PDE1C: variants seen among roughly 807,000 people sequenced by gnomAD.
The protein encoded by PDE1C is phosphodiesterase 1C, also known as dual specificity calcium/calmodulin-dependent 3',5'-cyclic nucleotide phosphodiesterase 1C.
PDE1C carries 62 observed loss-of-function variants against 93.1 expected under a neutral mutation model. That is an observed-to-expected ratio of 0.67 (90% CI 0.54 to 0.82). The LOEUF is 0.82. Ranked by LOEUF, PDE1C falls within the 40% of genes least tolerant of loss-of-function variation. The pLI, the probability that PDE1C is intolerant of heterozygous loss-of-function variation, is 0.00. For missense variants in PDE1C, 742 were observed against 884.6 expected (o/e 0.84, Z 2.04); for synonymous variants, 325 against 310.1 (o/e 1.05, Z -0.50).
At chr7:32,067,567 C>T (rs1433550217) in intron 1 of PDE1C, among the ~76,000 whole-genome samples, 1 of 152,254 alleles carries the variant, frequency 6.6e-6, no homozygotes, top group East Asian at 1.9e-4. Context: ...GTAAAGACTA[C>T]CTCTCACCAG....
chr7:31,810,051 T>C (rs1485959062), intron 15 of PDE1C, among the ~76,000 whole-genome samples: 1 of 152,104 alleles, frequency 6.6e-6, no homozygotes, highest in Non-Finnish European at 1.5e-5. Context: ...GCTGAATAGT[T>C]GCAAAGAGAC....
rs1358355251 is a variant in PDE1C at position 31,881,015 on chromosome 7, A to G, written c.129-155T>C. On this transcript the variant is annotated intron_variant, in intron 2 of 17. Transcript: ENST00000396191. ...ATGGGACCAAAGGAGCAGGTAATAAAATAAATGTATACATTTTTGCCATTG... is the reference window on the plus strand; with the variant it reads ...ATGGGACCAAAGGAGCAGGTAATAAGATAAATGTATACATTTTTGCCATTG... Among the ~76,000 whole-genome samples the G allele has an allele frequency of 3.3e-5, 5 of 152,348 alleles. No individual in the cohort carries two copies. In the East Asian group the frequency reaches 7.7e-4, roughly 23 times the overall value.
chr7:31,800,589 C>A (rs548596997), intron 16 of PDE1C, among the ~76,000 whole-genome samples: 1 of 151,542 alleles, frequency 6.6e-6, no homozygotes, highest in Admixed American at 6.6e-5. Context: ...TTCTGTTGAT[C>A]TGTTGGTCTG....
intron 3 of PDE1C, among the ~76,000 whole-genome samples, chr7:32,132,536 C>T (rs1371765106): frequency 6.6e-6 from 1 of 151,986 alleles, no homozygotes; most frequent in African/African-American, 2.4e-5. Flanking sequence ...TGTGGTGGCA[C>T]ATGCCTATAG....
chr7:32,005,885 T>C (rs1786183248), intron 2 of PDE1C, among the ~76,000 whole-genome samples: 1 of 152,248 alleles, frequency 6.6e-6, no homozygotes, highest in Non-Finnish European at 1.5e-5. Flanking sequence ...CTTTTTTTTC[T>C]GCACGTACTG....
chr7:32,033,343 G>T (rs1312688879), intron 2 of PDE1C, among the ~76,000 whole-genome samples: 2 of 152,000 alleles, frequency 1.3e-5, no homozygotes, highest in African/African-American at 4.8e-5. Context: ...TAGTTTTAAT[G>T]AACTTACAGT....
chr7:31,778,760 G>A (rs1287528257), intron 16 of PDE1C, among the ~76,000 whole-genome samples: 1 of 152,120 alleles, frequency 6.6e-6, no homozygotes, highest in African/African-American at 2.4e-5. Context: ...ATATAGATTT[G>A]TTGTTGTTTC....
chr7:32,011,209 T>C (rs1304592349), intron 2 of PDE1C, among the ~76,000 whole-genome samples: 1 of 152,106 alleles, frequency 6.6e-6, no homozygotes, highest in African/African-American at 2.4e-5. Context: ...TTTTTTTTTT[T>C]TGAGAAGAAG....
At chr7:31,820,608 C>T (rs987626188) in intron 14 of PDE1C, 1 of 152,026 alleles carries the variant, frequency 6.6e-6, no homozygotes, top group African/African-American at 2.4e-5. Context: ...TGTTCAAGTG[C>T]CCCACGGAGG....
intron 7 of PDE1C, among the ~76,000 whole-genome samples, chr7:31,864,589 T>G (rs565116478): frequency 6.6e-6 from 1 of 152,316 alleles, no homozygotes; most frequent in East Asian, 1.9e-4. Context: ...TGAATACAAT[T>G]TCAGTATACA....
chr7:31,675,808 A>C, the PDE1C span, among the ~76,000 whole-genome samples: 1 of 152,150 alleles, frequency 6.6e-6, no homozygotes, highest in African/African-American at 2.4e-5. Flanking sequence ...ATTTTTGACT[A>C]TCACTAAGTT....
intron 1 of PDE1C, among the ~76,000 whole-genome samples, chr7:32,312,076 T>C (rs1330089893): frequency 1.3e-5 from 2 of 151,198 alleles, no homozygotes; most frequent in South Asian, 2.1e-4. Flanking sequence ...ACAAAATCAA[T>C]GTACAAAAAT....
chr7:32,014,664 T>C (rs546645776), intron 2 of PDE1C, among the ~76,000 whole-genome samples: 1 of 152,062 alleles, frequency 6.6e-6, no homozygotes. Flanking sequence ...CCTGTGTCCA[T>C]GTGTTCTCAT....
chr7:32,365,608 C>T (rs1784215469), intron 1 of PDE1C, among the ~76,000 whole-genome samples: 2 of 152,152 alleles, frequency 1.3e-5, no homozygotes, highest in Non-Finnish European at 2.9e-5. Flanking sequence ...GAGAAATAGC[C>T]CCATGGGCGG....
At chr7:32,168,926 G>C (rs1334127690) in intron 3 of PDE1C, among the ~76,000 whole-genome samples, 1 of 152,154 alleles carries the variant, frequency 6.6e-6, no homozygotes, top group African/African-American at 2.4e-5. Flanking sequence ...TTTATGGGGA[G>C]AGAAAAACGA....
At chr7:32,267,956 A>G (rs1396914527) in intron 1 of PDE1C, among the ~76,000 whole-genome samples, 1 of 152,182 alleles carries the variant, frequency 6.6e-6, no homozygotes, top group Non-Finnish European at 1.5e-5. Flanking sequence ...CTTAATGAGG[A>G]CGACTGTGCT....
At chr7:31,797,572 T>C (rs1389715333) in intron 16 of PDE1C, among the ~76,000 whole-genome samples, 1 of 151,748 alleles carries the variant, frequency 6.6e-6, no homozygotes, top group Non-Finnish European at 1.5e-5. Flanking sequence ...GATTCAAAGT[T>C]ATTGCTATGG....
chr7:32,282,219 G>A (rs531142739), intron 1 of PDE1C, among the ~76,000 whole-genome samples: 4 of 152,008 alleles, frequency 2.6e-5, no homozygotes, highest in Admixed American at 2.0e-4. Context: ...GCTCACACCT[G>A]TAATCCCAGC....
chr7:32,146,885 T>C (rs999210635), intron 3 of PDE1C, among the ~76,000 whole-genome samples: 2 of 152,214 alleles, frequency 1.3e-5, no homozygotes, highest in African/African-American at 4.8e-5. Flanking sequence ...TATTTTTCCA[T>C]TGTTGTTCTC....
Sources: allele counts gnomAD v4.1 joint callset (sites outside exome capture counted in the v4.1 genomes callset), GRCh38; gene constraint gnomAD v4.1.1; transcripts MANE v1.5; gene names NCBI Gene and HGNC (gene_info 2026-07-23, HGNC 2026-07-21).